The following PDZRN3 variants were observed in gnomAD, a reference collection of about 807,000 sequenced individuals.
PDZRN3 encodes PDZ domain containing ring finger 3, also known as E3 ubiquitin-protein ligase PDZRN3.
A neutral mutation model predicts 85.7 loss-of-function variants in PDZRN3; 38 were observed. The observed-to-expected ratio is 0.44, with a 90% CI of 0.34 to 0.58. The LOEUF (loss-of-function observed/expected upper bound fraction) is 0.58, where lower values mean the gene tolerates loss of function less well. PDZRN3 is among the 20% of genes least tolerant of loss of function. The pLI, the probability that PDZRN3 is intolerant of heterozygous loss-of-function variation, is 0.01. For missense variants in PDZRN3, 1,629 were observed against 1,506.4 expected (o/e 1.08, Z -1.35); for synonymous variants, 759 against 638.0 (o/e 1.19, Z -2.86).
Position 73,624,212 on chromosome 3 carries a change from G to A in PDZRN3, c.614C>T (p.Ala205Val), listed in dbSNP as rs1471677938. 2 of 1,488,636 alleles carry A rather than the reference G, an allele frequency of 1.3e-6. No homozygotes were observed. Among genetic ancestry groups the A allele is most frequent in the South Asian group, 1.3e-5 (1 of 78,434 alleles). 92.2% of individuals were successfully genotyped at this position (1,488,636 alleles called of 1,614,324 possible). The part of the protein sequence containing the change: ...EKSLVAQLAA[A>V]QLELQMTALR... ...CGCGGTCATCTGCAGCTCAAGCTGCGCCGCGGCCAGCTGGGCCACCAGCGA... is the reference window on the plus strand; with the variant it reads ...CGCGGTCATCTGCAGCTCAAGCTGCACCGCGGCCAGCTGGGCCACCAGCGA... Residue 205 changes from alanine to valine, a missense_variant, in exon 1 of 10, where the codon GCG becomes GTG. By Grantham distance (64) the Ala-to-Val change is moderately conservative (BLOSUM62 0). Coordinates refer to ENST00000263666, the MANE Select transcript of PDZRN3 (RefSeq NM_015009.3).
At chr3:73,621,792 G>GT (rs1462079368) in intron 1 of PDZRN3, 1 of 152,116 alleles carries the variant, frequency 6.6e-6, no homozygotes, top group Non-Finnish European at 1.5e-5. Flanking sequence ...ACCTTTCTCC[G>GT]TAAGTTCAAA....
chr3:73,613,733 T>C (rs182700465), intron 1 of PDZRN3, among the ~76,000 whole-genome samples: 82 of 152,138 alleles, frequency 5.4e-4, no homozygotes, highest in Non-Finnish European at 8.7e-4. Context: ...CAACAGAACC[T>C]GGGATGCAGG....
At chr3:73,450,446 G>A (rs2106840735) in intron 3 of PDZRN3, among the ~76,000 whole-genome samples, 1 of 152,330 alleles carries the variant, frequency 6.6e-6, no homozygotes, top group East Asian at 1.9e-4. Flanking sequence ...CTAGGCTCAA[G>A]CTGATCAGTG....
At chr3:73,568,650 T>TGGTA (rs1338837615) in intron 3 of PDZRN3, among the ~76,000 whole-genome samples, 1 of 152,204 alleles carries the variant, frequency 6.6e-6, no homozygotes, top group Middle Eastern at 3.2e-3. Context: ...TCGCTTGATA[T>TGGTA]GGTAGCACAT....
chr3:73,405,138 A>G (rs566361538), intron 3 of PDZRN3, among the ~76,000 whole-genome samples: 1 of 152,314 alleles, frequency 6.6e-6, no homozygotes, highest in Non-Finnish European at 1.5e-5. Context: ...ACTGAAAGTA[A>G]GATCATCTCC....
chr3:73,530,833 T>G (rs1266406554), intron 3 of PDZRN3, among the ~76,000 whole-genome samples: 1 of 152,240 alleles, frequency 6.6e-6, no homozygotes, highest in African/African-American at 2.4e-5. Context: ...TGACAACTCT[T>G]CTGTTACTTT....
chr3:73,473,293 G>A (rs1274428399), intron 3 of PDZRN3, among the ~76,000 whole-genome samples: 1 of 152,014 alleles, frequency 6.6e-6, no homozygotes, highest in Admixed American at 6.6e-5. Context: ...TTTGGTGCAA[G>A]TTCTCTGCAA....
At chr3:73,455,465 A>G (rs115664810) in intron 3 of PDZRN3, among the ~76,000 whole-genome samples, 173 of 152,350 alleles carry the variant, frequency 1.1e-3, no homozygotes, top group African/African-American at 4.0e-3. Context: ...ACACTTGTGA[A>G]AAAGACATAT....
At chr3:73,605,348 C>T (rs1702583249) in intron 2 of PDZRN3, among the ~76,000 whole-genome samples, 2 of 152,046 alleles carry the variant, frequency 1.3e-5, no homozygotes, top group South Asian at 4.1e-4. Flanking sequence ...TGTTTTGCTG[C>T]CTTGAGTAAG....
At position 73,397,927 on chromosome 3, in the gene PDZRN3, C is replaced by T. The variant is rs138404643; in HGVS notation, c.1254+2995G>A. On this transcript the variant is annotated intron_variant, in intron 5 of 9. Transcript: ENST00000263666. ...CTTATTCTGGTTGTTTAAGAAGAAA[C>T]GAAAAGCTAATGTCTAATGGTCCTA... Among the ~76,000 whole-genome samples, 108 of 152,176 alleles carry T rather than the reference C, an allele frequency of 7.1e-4. 1 individual carries two copies. The East Asian group carries it at 0.015, about 21-fold the overall frequency.
At chr3:73,465,210 C>T (rs982346430) in intron 3 of PDZRN3, among the ~76,000 whole-genome samples, 5 of 152,190 alleles carry the variant, frequency 3.3e-5, no homozygotes. Flanking sequence ...GGAGCCCAGC[C>T]TGGTGCCTGG....
At chr3:73,477,307 C>T (rs532131499) in intron 3 of PDZRN3, among the ~76,000 whole-genome samples, 1 of 152,270 alleles carries the variant, frequency 6.6e-6, no homozygotes, top group African/African-American at 2.4e-5. Flanking sequence ...TGCTCCAGGA[C>T]ACATAACTAG....
chr3:73,382,520 T>C lies in PDZRN3; in HGVS notation c.*845A>G, dbSNP rs1456736723. 6.5e-6 allele frequency: 1 copy of C among 152,680 alleles called. No homozygotes were observed. The highest frequency in any genetic ancestry group is 1.5e-5 in the Non-Finnish European group (1 of 68,048). The allele number at this position is 152,680 out of a possible 1,614,324, so 9.5% of individuals were successfully genotyped here. On this transcript the variant is annotated 3_prime_UTR_variant, in exon 10 of 10. Coordinates refer to ENST00000263666, the MANE Select transcript of PDZRN3 (RefSeq NM_015009.3). ...TCAAATAGAAAATAATAATTTATTTTAACTTCATTTTACTGTTTGTAACTA... is the reference window on the plus strand; with the variant it reads ...TCAAATAGAAAATAATAATTTATTTCAACTTCATTTTACTGTTTGTAACTA...
chr3:73,552,227 T>A (rs1575730623), intron 3 of PDZRN3, among the ~76,000 whole-genome samples: 1 of 37,758 alleles, frequency 2.6e-5, no homozygotes, highest in African/African-American at 6.6e-5. Context: ...ATTAAAGGAG[T>A]GTGTGTGTGT....
At chr3:73,448,128 A>G (rs751917941) in intron 3 of PDZRN3, among the ~76,000 whole-genome samples, 1 of 152,148 alleles carries the variant, frequency 6.6e-6, no homozygotes, top group Non-Finnish European at 1.5e-5. Context: ...GTAAATAAGC[A>G]CCTACCATGT....
At chr3:73,539,975 T>A (rs1308219463) in intron 3 of PDZRN3, among the ~76,000 whole-genome samples, 2 of 150,794 alleles carry the variant, frequency 1.3e-5, no homozygotes, top group Non-Finnish European at 2.9e-5. Context: ...ACTGCACGGA[T>A]GAAGATTCAT....
intron 3 of PDZRN3, among the ~76,000 whole-genome samples, chr3:73,491,763 T>C (rs1228282434): frequency 6.6e-6 from 1 of 151,092 alleles, no homozygotes; most frequent in Non-Finnish European, 1.5e-5. Flanking sequence ...GTATGGCTAA[T>C]ATTTAACTTA....
chr3:73,545,515 C>A (rs1701403195), intron 3 of PDZRN3, among the ~76,000 whole-genome samples: 1 of 152,148 alleles, frequency 6.6e-6, no homozygotes, highest in African/African-American at 2.4e-5. Flanking sequence ...TGGGACATAA[C>A]AGCAATTCTG....
chr3:73,390,775 TGTAAACG>T (rs1336594538), intron 6 of PDZRN3, among the ~76,000 whole-genome samples: 1 of 152,036 alleles, frequency 6.6e-6, no homozygotes, highest in Admixed American at 6.5e-5. Flanking sequence ...CACAAAACCA[TGTAAACG>T]GCTCCATTTT....
Sources: allele counts gnomAD v4.1 joint callset (sites outside exome capture counted in the v4.1 genomes callset), GRCh38; gene constraint gnomAD v4.1.1; transcripts MANE v1.5; gene names NCBI Gene and HGNC (gene_info 2026-07-23, HGNC 2026-07-21).